Variants in CDH13 observed in about 807,000 individuals in gnomAD.
The protein encoded by CDH13 is cadherin 13.
Under a neutral mutation model 63.8 loss-of-function variants are expected in CDH13, and 24 were observed. That is an observed-to-expected ratio of 0.38 (90% CI 0.27 to 0.53). CDH13 has a LOEUF of 0.53. CDH13 is among the 20% of genes least tolerant of loss of function. CDH13 has a pLI of 0.85. For synonymous variants in CDH13, 503 were observed against 355.3 expected, an observed-to-expected ratio of 1.42 and a Z score of -4.67; for missense variants, 1,049 against 903.1, an observed-to-expected ratio of 1.16 and a Z score of -2.07.
intron 3 of CDH13, among the ~76,000 whole-genome samples, chr16:83,064,169 G>T (rs934513322): frequency 3.3e-5 from 5 of 152,172 alleles, no homozygotes; most frequent in African/African-American, 1.2e-4. Context: ...AGGAGCTCAA[G>T]AACAGTCTGG....
At chr16:82,758,381 T>C (rs2034700296) in intron 1 of CDH13, among the ~76,000 whole-genome samples, 1 of 151,986 alleles carries the variant, frequency 6.6e-6, no homozygotes, top group South Asian at 2.1e-4. Flanking sequence ...CTAACTTTAG[T>C]GATTGGGTTT....
intron 4 of CDH13, among the ~76,000 whole-genome samples, chr16:83,137,346 C>T (rs1037419255): frequency 2.0e-5 from 3 of 152,142 alleles, no homozygotes; most frequent in African/African-American, 7.2e-5. Flanking sequence ...AGCAATTGTC[C>T]CAGTTCTACC....
intron 1 of CDH13, among the ~76,000 whole-genome samples, chr16:82,814,123 A>G (rs137880263): frequency 6.6e-6 from 1 of 152,280 alleles, no homozygotes; most frequent in East Asian, 1.9e-4. Flanking sequence ...TTGTGATATA[A>G]TAATAAATAC....
chr16:82,910,374 T>C (rs1015369479), intron 2 of CDH13, among the ~76,000 whole-genome samples: 4 of 152,198 alleles, frequency 2.6e-5, no homozygotes, highest in African/African-American at 9.6e-5. Flanking sequence ...AGTTAAAACA[T>C]TAAATTGCTT....
At chr16:83,030,453 C>G (rs915747824) in intron 2 of CDH13, among the ~76,000 whole-genome samples, 1 of 151,846 alleles carries the variant, frequency 6.6e-6, no homozygotes, top group African/African-American at 2.4e-5. Flanking sequence ...ACCAGTCTGG[C>G]CAACATGGTG....
intron 1 of CDH13, among the ~76,000 whole-genome samples, chr16:82,718,481 G>T (rs2032539579): frequency 6.6e-6 from 1 of 152,184 alleles, no homozygotes; most frequent in South Asian, 2.1e-4. Flanking sequence ...TGAAGAAGAA[G>T]GAGAAAGTGT....
chr16:83,275,950 G>A (rs1597644104), intron 5 of CDH13, among the ~76,000 whole-genome samples: 1 of 152,132 alleles, frequency 6.6e-6, no homozygotes, highest in Non-Finnish European at 1.5e-5. Context: ...AAAAATCGAG[G>A]TGGCTTATAA....
At chr16:83,092,716 T>C (rs2033978190) in intron 3 of CDH13, among the ~76,000 whole-genome samples, 1 of 152,178 alleles carries the variant, frequency 6.6e-6, no homozygotes, top group Non-Finnish European at 1.5e-5. Flanking sequence ...TTCAGGTACA[T>C]CCAGGTTTTC....
At chr16:82,802,603 T>G (rs904369295) in intron 1 of CDH13, among the ~76,000 whole-genome samples, 2 of 152,210 alleles carry the variant, frequency 1.3e-5, no homozygotes, top group Admixed American at 1.3e-4. Context: ...GTTCATACTC[T>G]GGGGCTTCAT....
intron 2 of CDH13, among the ~76,000 whole-genome samples, chr16:83,002,592 G>C (rs1913054619): frequency 6.6e-6 from 1 of 152,328 alleles, no homozygotes; most frequent in Middle Eastern, 3.4e-3. Context: ...GCTTGGTGCA[G>C]ACAGGCAATA....
chr16:83,128,002 A>T (rs2035886843), intron 4 of CDH13, among the ~76,000 whole-genome samples: 1 of 151,998 alleles, frequency 6.6e-6, no homozygotes, highest in Admixed American at 6.6e-5. Context: ...ATGCCAAGGG[A>T]CCTGACTCCC....
intron 7 of CDH13, among the ~76,000 whole-genome samples, chr16:83,562,143 C>G (rs774710319): frequency 9.2e-5 from 14 of 152,094 alleles, no homozygotes; most frequent in Non-Finnish European, 1.5e-4. Flanking sequence ...TTGTAAGGGT[C>G]TCATCTTGTT....
chr16:83,653,891 T>G (rs563182877), intron 8 of CDH13, among the ~76,000 whole-genome samples: 23 of 152,238 alleles, frequency 1.5e-4, no homozygotes, highest in Non-Finnish European at 2.8e-4. Context: ...TCATCAGCCA[T>G]AAATATTTGT....
intron 7 of CDH13, among the ~76,000 whole-genome samples, chr16:83,525,298 C>T (rs908015002): frequency 3.9e-5 from 6 of 152,218 alleles, no homozygotes; most frequent in African/African-American, 1.4e-4. Flanking sequence ...GCACTAGATC[C>T]TGTGTGTCAT....
At chr16:83,558,662 T>C (rs2075646661) in intron 7 of CDH13, among the ~76,000 whole-genome samples, 3 of 152,180 alleles carry the variant, frequency 2.0e-5, no homozygotes, top group Admixed American at 1.3e-4. Flanking sequence ...AAAGCTAAAT[T>C]GCCTGTATTT....
intron 6 of CDH13, among the ~76,000 whole-genome samples, chr16:83,381,095 A>G (rs1474310322): frequency 1.3e-5 from 2 of 152,184 alleles, no homozygotes; most frequent in Non-Finnish European, 2.9e-5. Context: ...GTTCCAGGAA[A>G]CATGCTAAGT....
chr16:82,818,805 G>A (rs892697056), intron 1 of CDH13, among the ~76,000 whole-genome samples: 5 of 152,136 alleles, frequency 3.3e-5, no homozygotes, highest in Admixed American at 1.3e-4. Context: ...TTGCATTTGC[G>A]TATTCATATG....
chr16:83,338,184 T>TTA (rs1555532118), intron 5 of CDH13, among the ~76,000 whole-genome samples: 13 of 135,088 alleles, frequency 9.6e-5, no homozygotes, highest in South Asian at 4.9e-4. Context: ...CTCTTCTTTT[T>TTA]AAAAAAAAAA....
chr16:82,729,147 C>G (rs1292763488), intron 1 of CDH13, among the ~76,000 whole-genome samples: 2 of 152,094 alleles, frequency 1.3e-5, no homozygotes, highest in African/African-American at 4.8e-5. Flanking sequence ...TCTATGAAGG[C>G]TAGAATCAAC....
Sources: gnomAD v4.1 joint callset for allele counts (sites outside exome capture counted in the v4.1 genomes callset) on GRCh38, gnomAD v4.1.1 for gene constraint, MANE v1.5 for transcripts, NCBI Gene and HGNC (gene_info 2026-07-23, HGNC 2026-07-21) for gene names.